Variants in FARS2 observed in about 807,000 individuals in gnomAD.
The protein encoded by FARS2 is phenylalanine--tRNA ligase, mitochondrial.
A neutral mutation model predicts 46.4 loss-of-function variants in FARS2; 40 were observed. The ratio of observed to expected loss-of-function variants is 0.86; its 90% CI spans 0.67 to 1.12. The LOEUF (loss-of-function observed/expected upper bound fraction) is 1.12. Ranked by LOEUF, FARS2 falls within the 50% of genes most tolerant of loss-of-function variation. The pLI, the probability that FARS2 is intolerant of heterozygous loss-of-function variation, is 0.00. For synonymous variants in FARS2, 234 were observed against 214.9 expected, an observed-to-expected ratio of 1.09 and a Z score of -0.78; for missense variants, 513 against 567.9, an observed-to-expected ratio of 0.90 and a Z score of 0.98.
At chr6:5,400,419 A>ATG (rs778998100) in intron 2 of FARS2, among the ~76,000 whole-genome samples, 2 of 151,196 alleles carry the variant, frequency 1.3e-5, no homozygotes, top group Non-Finnish European at 1.5e-5. Flanking sequence ...AAAGACCTTT[A>ATG]TGTGTGTGTG....
chr6:5,689,611 A>T (rs1356717340), intron 6 of FARS2, among the ~76,000 whole-genome samples: 2 of 152,114 alleles, frequency 1.3e-5, no homozygotes, highest in African/African-American at 2.4e-5. Flanking sequence ...GGAGTGCTTT[A>T]CTTCCAAGTA....
chr6:5,544,406 T>A (rs1007764947), intron 4 of FARS2, among the ~76,000 whole-genome samples: 1 of 61,814 alleles, frequency 1.6e-5, no homozygotes, highest in African/African-American at 7.6e-5. Context: ...TCTGTTAGTG[T>A]CCAGTTGGAA....
At chr6:5,431,251 T>G (rs757382312) in intron 4 of FARS2, 79 bp downstream of exon 4, 9 of 1,428,640 alleles carry the variant, frequency 6.3e-6, no homozygotes, top group Non-Finnish European at 8.8e-6. Context: ...TGCACACTTG[T>G]AGATATTTAC....
chr6:5,686,545 T>C (rs1757240367), intron 6 of FARS2, among the ~76,000 whole-genome samples: 2 of 152,358 alleles, frequency 1.3e-5, no homozygotes, highest in South Asian at 4.1e-4. Flanking sequence ...TCCTTTTTTA[T>C]GGCTGCATAG....
intron 6 of FARS2, 80 bp from the exon 7 acceptor site, chr6:5,771,211 T>C: frequency 6.4e-7 from 1 of 1,554,656 alleles, no homozygotes; most frequent in Non-Finnish European, 8.8e-7. Context: ...TGGGGAGATC[T>C]GGCCAGGGCA....
At chr6:5,528,640 C>CTT (rs1769623889) in intron 4 of FARS2, among the ~76,000 whole-genome samples, 2 of 152,204 alleles carry the variant, frequency 1.3e-5, no homozygotes, top group African/African-American at 2.4e-5. Context: ...TCCTTACATA[C>CTT]ATCCACTCCA....
At chr6:5,591,251 G>A (rs187989897) in intron 5 of FARS2, among the ~76,000 whole-genome samples, 2 of 152,328 alleles carry the variant, frequency 1.3e-5, no homozygotes, top group African/African-American at 4.8e-5. Flanking sequence ...TTAGGTGTCT[G>A]AAAGTCACAC....
At chr6:5,263,712 T>G (rs7754129) in intron 1 of FARS2, among the ~76,000 whole-genome samples, 14,729 of 152,228 alleles carry the variant, frequency 0.097, 942 homozygotes, top group African/African-American at 0.18. Flanking sequence ...TTATCAAAAG[T>G]TATCGACTAC....
rs115264024 is a variant in FARS2, at chr6:5,319,405, G to A, written c.-21-49145G>A. On this transcript the variant is annotated intron_variant, in intron 1 of 6. Transcript: ENST00000274680. ...TGCCTCAAATGAGCACTTGCACAAC[G>A]TCAGTAAACACACTATGCATGTGGC... Among the ~76,000 whole-genome samples, 1,377 of 152,298 alleles carry A rather than the reference G, an allele frequency of 9.0e-3. 22 individuals carry two copies. Among genetic ancestry groups the A allele is most frequent in the South Asian group, 0.044 (210 of 4,826 alleles).
chr6:5,596,198 A>G (rs1177571986), intron 5 of FARS2, among the ~76,000 whole-genome samples: 2 of 152,194 alleles, frequency 1.3e-5, no homozygotes, highest in Non-Finnish European at 2.9e-5. Context: ...GCCGTCAGGA[A>G]GAGGAGATGC....
intron 6 of FARS2, among the ~76,000 whole-genome samples, chr6:5,638,673 T>A (rs1029175795): frequency 6.6e-6 from 1 of 152,236 alleles, no homozygotes; most frequent in Admixed American, 6.5e-5. Flanking sequence ...CCAGGAAGCC[T>A]GTTCCCATCC....
intron 6 of FARS2, among the ~76,000 whole-genome samples, chr6:5,750,200 TC>T (rs1485974913): frequency 6.6e-6 from 1 of 151,668 alleles, no homozygotes; most frequent in Non-Finnish European, 1.5e-5. Context: ...GGCAGGGAAA[TC>T]TTTTCCAGGG....
chr6:5,438,257 C>CA lies in FARS2; in HGVS notation c.904+7086dup, dbSNP rs1554185260. On this transcript the variant is annotated intron_variant, in intron 4 of 6. Coordinates refer to ENST00000274680, the MANE Select transcript of FARS2 (RefSeq NM_006567.5). The stretch of plus-strand genomic sequence containing the variant: ...TCTACCCACCCCCCGCCCCCCCCCC[C>CA]ATTTTTGTTTTTCAGCCATGTGATT... 5.0e-3 allele frequency among the ~76,000 whole-genome samples: 394 copies of CA among 78,674 alleles called. 10 individuals carry two copies. Among genetic ancestry groups the CA allele is most frequent in the African/African-American group, 0.019 (383 of 19,984 alleles). 51.6% of individuals were successfully genotyped at this position (78,674 alleles called of 152,430 possible).
intron 6 of FARS2, among the ~76,000 whole-genome samples, chr6:5,720,158 A>G (rs774826635): frequency 2.6e-5 from 4 of 152,236 alleles, no homozygotes; most frequent in Non-Finnish European, 5.9e-5. Flanking sequence ...CAATTCCATT[A>G]AATACATTGC....
chr6:5,579,247 G>T (rs1308447710), intron 5 of FARS2, among the ~76,000 whole-genome samples: 1 of 151,950 alleles, frequency 6.6e-6, no homozygotes, highest in Non-Finnish European at 1.5e-5. Flanking sequence ...CAATGACTTT[G>T]CCCATCTTAT....
At chr6:5,353,940 CTTTTTT>C (rs200790865) in intron 1 of FARS2, among the ~76,000 whole-genome samples, 1 of 136,812 alleles carries the variant, frequency 7.3e-6, no homozygotes, top group Non-Finnish European at 1.6e-5. Flanking sequence ...CTGTTTGCTG[CTTTTTT>C]TTTTTTTTAA....
chr6:5,357,013 C>T (rs1001228738), intron 1 of FARS2, among the ~76,000 whole-genome samples: 13 of 151,696 alleles, frequency 8.6e-5, no homozygotes, highest in Admixed American at 2.0e-4. Flanking sequence ...AATGGAACTC[C>T]GATATGTAGG....
At chr6:5,689,618 A>G (rs1757532099) in intron 6 of FARS2, among the ~76,000 whole-genome samples, 1 of 152,114 alleles carries the variant, frequency 6.6e-6, no homozygotes, top group African/African-American at 2.4e-5. Flanking sequence ...TTTACTTCCA[A>G]GTATGTGGTC....
rs531175785 is a variant in FARS2, at chr6:5,356,754, T to G, written c.-21-11796T>G. On this transcript the variant is annotated intron_variant, in intron 1 of 6. Transcript: ENST00000274680. ...CAGGAAACCAACTGTATATTTCCCC[T>G]CGGAGCAGCGCTTCACTGTTTGCTA... Among the ~76,000 whole-genome samples the G allele has an allele frequency of 2.7e-4, 41 of 152,226 alleles. No individual in the cohort carries two copies. In the South Asian group the frequency reaches 7.5e-3, roughly 28 times the overall value.
Sources: gnomAD v4.1 joint callset for allele counts (sites outside exome capture counted in the v4.1 genomes callset) on GRCh38, gnomAD v4.1.1 for gene constraint, MANE v1.5 for transcripts, NCBI Gene and HGNC (gene_info 2026-07-23, HGNC 2026-07-21) for gene names.